CELF2: variants seen among roughly 807,000 people sequenced by gnomAD.
The protein encoded by CELF2 is CUGBP Elav-like family member 2.
In CELF2, 8 loss-of-function variants were observed where a neutral mutation model predicts 62.6. That is an observed-to-expected ratio of 0.13 (90% CI 0.07 to 0.23). CELF2 has a LOEUF of 0.23. Ranked by LOEUF, CELF2 falls within the 10% of genes least tolerant of loss-of-function variation. CELF2 has a pLI of 1.00. For synonymous variants in CELF2, 258 were observed against 250.0 expected (o/e 1.03, Z -0.30); for missense variants, 333 against 671.0 (o/e 0.50, Z 5.56).
chr10:10,611,523 T>C, the CELF2 span, among the ~76,000 whole-genome samples: 1 of 152,284 alleles, frequency 6.6e-6, no homozygotes, highest in African/African-American at 2.4e-5. Context: ...ACAGTCGTAA[T>C]ATGCCATATT....
At chr10:10,921,588 A>G (rs1351370394) in intron 2 of CELF2, among the ~76,000 whole-genome samples, 2 of 151,474 alleles carry the variant, frequency 1.3e-5, no homozygotes, top group Non-Finnish European at 2.9e-5. Flanking sequence ...TTTCCAAAAG[A>G]GAGGAGAAAT....
chr10:10,616,703 T>C, the CELF2 span, among the ~76,000 whole-genome samples: 500 of 124,742 alleles, frequency 4.0e-3, 4 homozygotes, highest in African/African-American at 0.014. Flanking sequence ...TGTGTGTGTG[T>C]GTGTGTGTGT....
chr10:10,536,209 G>A, the CELF2 span, among the ~76,000 whole-genome samples: 1 of 151,898 alleles, frequency 6.6e-6, no homozygotes, highest in Non-Finnish European at 1.5e-5. Context: ...TAGTAGAGAT[G>A]GGGTTTCATC....
chr10:10,871,119 G>T (rs912769247), intron 1 of CELF2, among the ~76,000 whole-genome samples: 1 of 152,192 alleles, frequency 6.6e-6, no homozygotes, highest in African/African-American at 2.4e-5. Flanking sequence ...GAGCCGGTTC[G>T]CAGTCAAGCT....
the CELF2 span, among the ~76,000 whole-genome samples, chr10:10,514,969 G>A: frequency 0.041 from 6,316 of 152,292 alleles, 427 homozygotes; most frequent in African/African-American, 0.14. Flanking sequence ...GCAAAGCACA[G>A]CTAATTAACA....
intron 4 of CELF2, among the ~76,000 whole-genome samples, chr10:11,250,923 A>G (rs1222115957): frequency 2.6e-5 from 4 of 152,168 alleles, no homozygotes; most frequent in Non-Finnish European, 2.9e-5. Context: ...GAAGAAGACC[A>G]CTTCACCCAG....
At chr10:11,017,640 G>A (rs536481558), upstream of CELF2, among the ~76,000 whole-genome samples, 4 of 152,268 alleles carry the variant, frequency 2.6e-5, no homozygotes, top group African/African-American at 9.6e-5. This position sits in a 1 kb window ranked among gnomAD's most constrained non-coding sequence, Gnocchi z 5.5. Flanking sequence ...AACCTACTCC[G>A]AGCGGCCACG....
rs2094858004 is a variant in CELF2 at position 11,315,147 on chromosome 10, A to G, written c.1096+889A>G. On this transcript the variant is annotated intron_variant, in intron 10 of 12. Transcript: ENST00000633077. The surrounding 1 kb of genome is among the most constrained non-coding windows in gnomAD (Gnocchi z 5.8). ...CGGTGTGGGTTCCTGTACTGAGGAA[A>G]CTGATCCTCAGCCCACAGCGGGGAC... 6.6e-6 allele frequency among the ~76,000 whole-genome samples: 1 copy of G among 152,014 alleles called. No homozygotes were observed. Among genetic ancestry groups the G allele is most frequent in the African/African-American group, 2.4e-5 (1 of 41,382 alleles).
chr10:10,657,031 G>A, the CELF2 span, among the ~76,000 whole-genome samples: 9,738 of 151,938 alleles, frequency 0.064, 362 homozygotes, highest in Admixed American at 0.098. Context: ...ATTCATCAAT[G>A]GATGAATGGA....
chr10:10,694,299 A>G, the CELF2 span, among the ~76,000 whole-genome samples: 1 of 151,666 alleles, frequency 6.6e-6, no homozygotes, highest in African/African-American at 2.4e-5. Flanking sequence ...CAGGTTGTTC[A>G]GTTTCCATGT....
chr10:10,506,531 C>G, the CELF2 span, among the ~76,000 whole-genome samples: 1 of 152,116 alleles, frequency 6.6e-6, no homozygotes, highest in African/African-American at 2.4e-5. Context: ...CTACCCCAAT[C>G]TGTTTTCCCT....
chr10:10,778,324 C>T, the CELF2 span, among the ~76,000 whole-genome samples: 12 of 152,174 alleles, frequency 7.9e-5, no homozygotes, highest in African/African-American at 2.4e-4. Flanking sequence ...CAAGAAAATG[C>T]ATGCATTGTA....
chr10:11,226,795 C>G (rs191973588), intron 3 of CELF2, among the ~76,000 whole-genome samples: 5 of 152,264 alleles, frequency 3.3e-5, no homozygotes, highest in African/African-American at 1.2e-4. Context: ...GTTACTAACA[C>G]GGAGCTTTCT....
At chr10:10,768,270 G>T in the CELF2 span, among the ~76,000 whole-genome samples, 1 of 151,924 alleles carries the variant, frequency 6.6e-6, no homozygotes, top group South Asian at 2.1e-4. Context: ...TTGCATAGAC[G>T]TGGGTCCTTG....
chr10:11,288,112 C>T (rs540797866), intron 8 of CELF2, among the ~76,000 whole-genome samples: 3 of 152,362 alleles, frequency 2.0e-5, no homozygotes, highest in African/African-American at 7.2e-5. Flanking sequence ...GCAGGAAGGC[C>T]TTGGGCTGAG....
chr10:10,898,581 G>A (rs9424112), intron 1 of CELF2, among the ~76,000 whole-genome samples: 23,164 of 152,106 alleles, frequency 0.15, 2,262 homozygotes, highest in Non-Finnish European at 0.22. Context: ...AGAAGATGTC[G>A]TAATTCTAAA....
At chr10:11,055,670 A>G (rs575139794) in intron 1 of CELF2, among the ~76,000 whole-genome samples, 1 of 152,320 alleles carries the variant, frequency 6.6e-6, no homozygotes, top group African/African-American at 2.4e-5. Flanking sequence ...AATGTGGCCT[A>G]ATTTTGATCC....
chr10:10,940,031 G>C (rs1564852860), intron 2 of CELF2, among the ~76,000 whole-genome samples: 1 of 152,152 alleles, frequency 6.6e-6, no homozygotes, highest in Non-Finnish European at 1.5e-5. Flanking sequence ...ATTAGAGATA[G>C]TTTTTGAAAA....
At chr10:10,514,280 A>C in the CELF2 span, among the ~76,000 whole-genome samples, 2,472 of 152,338 alleles carry the variant, frequency 0.016, 55 homozygotes, top group African/African-American at 0.052. Context: ...GTAGCTCGTT[A>C]TACTAACTGA....
Sources: gnomAD v4.1 joint callset for allele counts (sites outside exome capture counted in the v4.1 genomes callset) on GRCh38, gnomAD v4.1.1 for gene constraint, Gnocchi (gnomAD v3.1) non-coding constraint, MANE v1.5 for transcripts, NCBI Gene and HGNC (gene_info 2026-07-23, HGNC 2026-07-21) for gene names.